The following STYXL1 variants were observed in gnomAD, a reference collection of about 807,000 sequenced individuals.
The protein encoded by STYXL1 is serine/threonine/tyrosine-interacting-like protein 1.
A neutral mutation model predicts 36.4 loss-of-function variants in STYXL1; 32 were observed. That is an observed-to-expected ratio of 0.88 (90% confidence interval 0.66 to 1.18). The LOEUF is 1.18. STYXL1 is among the 50% of genes most tolerant of loss of function. The pLI is 0.00. For synonymous variants in STYXL1, 133 were observed against 144.1 expected, an observed-to-expected ratio of 0.92 and a Z score of 0.55; for missense variants, 354 against 394.1, an observed-to-expected ratio of 0.90 and a Z score of 0.86.
chr7:76,036,381 G>A (rs1373229942), intron 1 of STYXL1, among the ~76,000 whole-genome samples: 4 of 150,154 alleles, frequency 2.7e-5, no homozygotes, highest in African/African-American at 4.9e-5. Flanking sequence ...GATTACAGGC[G>A]TGAGCCACCA....
chr7:76,037,712 A>G lies in STYXL1; in HGVS notation c.-4-7185T>C, dbSNP rs904328126. The stretch of plus-strand genomic sequence containing the variant: ...GCCAAGCCACCCTAACCCCCAAGAC[A>G]GTCCAGGTGGACACAATTGATGGGC... On this transcript the variant is annotated intron_variant, in intron 1 of 8. Coordinates refer to ENST00000359697, the MANE Select transcript of STYXL1 (RefSeq NM_001317785.2). Among the ~76,000 whole-genome samples, 13 of 149,794 alleles carry G rather than the reference A, an allele frequency of 8.7e-5. 1 individual carries two copies. Among genetic ancestry groups the G allele is most frequent in the African/African-American group, 3.2e-4 (13 of 41,022 alleles).
At chr7:76,016,658 A>T (rs1793417742) in intron 4 of STYXL1, among the ~76,000 whole-genome samples, 1 of 152,186 alleles carries the variant, frequency 6.6e-6, no homozygotes, top group South Asian at 2.1e-4. Flanking sequence ...TAATCATCAG[A>T]GAAATGCAAA....
At chr7:76,039,736 C>T (rs1207010240) in intron 1 of STYXL1, among the ~76,000 whole-genome samples, 1 of 152,152 alleles carries the variant, frequency 6.6e-6, no homozygotes, top group Non-Finnish European at 1.5e-5. Flanking sequence ...CAACCTTCGC[C>T]TCCCAAGTTC....
chr7:75,997,505 C>T (rs1298208509), intron 8 of STYXL1, among the ~76,000 whole-genome samples: 1 of 152,182 alleles, frequency 6.6e-6, no homozygotes, highest in Non-Finnish European at 1.5e-5. Flanking sequence ...GCTAACATCA[C>T]ACTCAATGGC....
intron 3 of STYXL1, among the ~76,000 whole-genome samples, chr7:76,025,161 C>G (rs1406934213): frequency 1.3e-4 from 18 of 142,540 alleles, no homozygotes; most frequent in African/African-American, 4.2e-4. Context: ...GGGGGTGGGG[C>G]TGGGAGCCTT....
chr7:76,045,613 C>A, intron 1 of STYXL1: 1 of 152,398 alleles, frequency 6.6e-6, no homozygotes. Context: ...AGGAGAACTG[C>A]GTGAACCCGG....
Position 76,015,336 on chromosome 7 carries a change from A to T in STYXL1, c.308-1449T>A, listed in dbSNP as rs570539544. Among the ~76,000 whole-genome samples, 7 of 152,316 alleles carry T rather than the reference A, an allele frequency of 4.6e-5. 1 individual carries two copies. Among genetic ancestry groups the T allele is most frequent in the Admixed American group, 4.6e-4 (7 of 15,286 alleles). On this transcript the variant is annotated intron_variant, in intron 4 of 8. Transcript: ENST00000359697. ...GGCTATCCATATGCAGAAGAATGAA[A>T]CTGGACCCCTATCACCATATACAAA...
At chr7:76,029,767 C>A (rs1446438153) in intron 2 of STYXL1, among the ~76,000 whole-genome samples, 1 of 152,018 alleles carries the variant, frequency 6.6e-6, no homozygotes, top group East Asian at 1.9e-4. Flanking sequence ...AACTTAGATC[C>A]CTTGAATGCA....
At chr7:76,013,021 T>A (rs1410990933) in intron 5 of STYXL1, among the ~76,000 whole-genome samples, 2 of 152,150 alleles carry the variant, frequency 1.3e-5, no homozygotes, top group African/African-American at 2.4e-5. Context: ...CCGACAGCCA[T>A]CAGTTCCTTA....
intron 5 of STYXL1, among the ~76,000 whole-genome samples, chr7:76,011,831 G>A (rs537747435): frequency 7.2e-5 from 11 of 152,290 alleles, no homozygotes; most frequent in South Asian, 4.1e-4. Flanking sequence ...CCAGATACCC[G>A]GGGCGTCCCT....
At chr7:76,008,589 G>A (rs1338901342) in intron 5 of STYXL1, among the ~76,000 whole-genome samples, 2 of 152,220 alleles carry the variant, frequency 1.3e-5, no homozygotes, top group African/African-American at 4.8e-5. Context: ...ACACGGAGAT[G>A]CATGACCCCC....
intron 4 of STYXL1, among the ~76,000 whole-genome samples, chr7:76,020,629 T>G (rs538814261): frequency 6.6e-6 from 1 of 152,276 alleles, no homozygotes; most frequent in Non-Finnish European, 1.5e-5. Flanking sequence ...CACAACACTT[T>G]TAAAAGCTTA....
chr7:76,042,641 A>G (rs914784064), intron 1 of STYXL1, among the ~76,000 whole-genome samples: 1 of 151,612 alleles, frequency 6.6e-6, no homozygotes, highest in Admixed American at 6.6e-5. Flanking sequence ...TCCTGACCTC[A>G]GGTGATCCAT....
intron 1 of STYXL1, among the ~76,000 whole-genome samples, chr7:76,036,688 G>T: frequency 7.2e-6 from 1 of 138,740 alleles, no homozygotes; most frequent in Non-Finnish European, 1.6e-5. Context: ...AGGCTACCAA[G>T]TCTCATTTTC....
At chr7:76,021,394 C>T (rs574722482) in intron 4 of STYXL1, among the ~76,000 whole-genome samples, 2 of 152,160 alleles carry the variant, frequency 1.3e-5, no homozygotes, top group African/African-American at 4.8e-5. Context: ...AATATAGTTC[C>T]CCTTAACTGC....
intron 1 of STYXL1, among the ~76,000 whole-genome samples, chr7:76,036,884 A>G (rs1795962980): frequency 7.2e-6 from 1 of 139,630 alleles, no homozygotes; most frequent in African/African-American, 2.6e-5. Context: ...TCCCGGGTTC[A>G]TGCCATTCTC....
intron 1 of STYXL1, among the ~76,000 whole-genome samples, chr7:76,046,722 C>T (rs1430419343): frequency 6.7e-6 from 1 of 148,246 alleles, no homozygotes; most frequent in Non-Finnish European, 1.5e-5. Flanking sequence ...TCTCGGCTCA[C>T]TGCAACCTCC....
intron 6 of STYXL1, among the ~76,000 whole-genome samples, 193 bp downstream of exon 6, chr7:76,005,066 T>A (rs190903380): frequency 3.5e-3 from 537 of 151,900 alleles, no homozygotes; most frequent in Non-Finnish European, 5.9e-3. Context: ...TACCTAATGC[T>A]AAATGACGAG....
At chr7:76,005,663 C>T (rs542347913) in intron 5 of STYXL1, among the ~76,000 whole-genome samples, 1 of 152,276 alleles carries the variant, frequency 6.6e-6, no homozygotes, top group East Asian at 1.9e-4. Context: ...TCCGTGGCAA[C>T]TGTTTACACT....
Sources: allele counts gnomAD v4.1 joint callset (sites outside exome capture counted in the v4.1 genomes callset), GRCh38; gene constraint gnomAD v4.1.1; transcripts MANE v1.5; gene names NCBI Gene and HGNC (gene_info 2026-07-23, HGNC 2026-07-21).